ZNF644: variants seen among roughly 807,000 people sequenced by gnomAD.
The protein encoded by ZNF644 is zinc finger protein 644, also known as zinc finger motif enhancer binding protein 2.
Under a neutral mutation model 108.0 loss-of-function variants are expected in ZNF644, and 20 were observed. The observed-to-expected ratio is 0.19, with a 90% CI of 0.13 to 0.27. The LOEUF (loss-of-function observed/expected upper bound fraction) is 0.27, where lower values mean the gene tolerates loss of function less well. Ranked by LOEUF, ZNF644 falls within the 10% of genes least tolerant of loss-of-function variation. The pLI, the probability that ZNF644 is intolerant of heterozygous loss-of-function variation, is 1.00. For synonymous variants in ZNF644, 542 were observed against 539.1 expected, an observed-to-expected ratio of 1.01 and a Z score of -0.08; for missense variants, 1,338 against 1,548.9, an observed-to-expected ratio of 0.86 and a Z score of 2.29.
At chr1:90,998,198 G>A (rs1351238638) in intron 1 of ZNF644, among the ~76,000 whole-genome samples, 5 of 152,204 alleles carry the variant, frequency 3.3e-5, no homozygotes, top group Non-Finnish European at 7.3e-5. Flanking sequence ...GAAGCGAGTA[G>A]TGGTTCTCCC....
chr1:90,976,084 T>C (rs1425931356), intron 2 of ZNF644, among the ~76,000 whole-genome samples: 6 of 152,234 alleles, frequency 3.9e-5, no homozygotes, highest in Non-Finnish European at 7.3e-5. Flanking sequence ...TCTGGCAATA[T>C]GGACATCCAG....
chr1:90,997,808 T>C (rs1215704028), intron 1 of ZNF644, among the ~76,000 whole-genome samples: 3 of 152,174 alleles, frequency 2.0e-5, no homozygotes, highest in Non-Finnish European at 4.4e-5. Context: ...AAAGGGAAGC[T>C]GTGACAGACG....
chr1:90,999,559 T>A (rs974688041), intron 1 of ZNF644, among the ~76,000 whole-genome samples: 6 of 152,124 alleles, frequency 3.9e-5, no homozygotes, highest in Admixed American at 1.3e-4. Flanking sequence ...GAAAGGAACA[T>A]CCGGTACCAG....
chr1:90,999,848 C>T (rs1254000906), intron 1 of ZNF644, among the ~76,000 whole-genome samples: 1 of 152,010 alleles, frequency 6.6e-6, no homozygotes, highest in African/African-American at 2.4e-5. Context: ...AGAAGATCTA[C>T]CAAGCAAATG....
chr1:90,923,682 A>T (rs1649717879), intron 4 of ZNF644, among the ~76,000 whole-genome samples: 1 of 152,158 alleles, frequency 6.6e-6, no homozygotes, highest in Non-Finnish European at 1.5e-5. Flanking sequence ...TGAAAAAAAG[A>T]TAAGTAACTC....
chr1:90,955,923 CCTCA>C (rs1653709640), intron 2 of ZNF644, among the ~76,000 whole-genome samples: 2 of 152,336 alleles, frequency 1.3e-5, no homozygotes, highest in South Asian at 4.1e-4. Context: ...ATAATGCCTT[CCTCA>C]CTAAGCTTAA....
chr1:91,009,320 T>G (rs559920007), intron 1 of ZNF644, among the ~76,000 whole-genome samples: 2 of 151,800 alleles, frequency 1.3e-5, no homozygotes, highest in South Asian at 4.1e-4. Flanking sequence ...ATTTCCTAAC[T>G]CTTAAAAAAA....
intron 4 of ZNF644, 125 bp from the exon 5 acceptor site, chr1:90,918,279 C>G (rs550411845): frequency 1.3e-6 from 1 of 769,930 alleles, no homozygotes; most frequent in South Asian, 1.5e-5. Flanking sequence ...ATTCATTTCC[C>G]TATTCCCTGA....
chr1:91,009,974 C>T (rs1238396998), intron 1 of ZNF644, among the ~76,000 whole-genome samples: 2 of 152,086 alleles, frequency 1.3e-5, no homozygotes, highest in Non-Finnish European at 2.9e-5. Context: ...ATATACCCTT[C>T]CCACTCACAA....
chr1:90,918,269 ATTCAT>A, intron 4 of ZNF644, 115 bp from the exon 5 acceptor site: 1 of 830,040 alleles, frequency 1.2e-6, no homozygotes, highest in Admixed American at 2.0e-5. Context: ...AAAAGTCCGC[ATTCAT>A]TTCCCTATTC....
chr1:91,016,875 G>A (rs1419122181), intron 1 of ZNF644, among the ~76,000 whole-genome samples: 1 of 152,182 alleles, frequency 6.6e-6, no homozygotes, highest in Non-Finnish European at 1.5e-5. Flanking sequence ...CTGTCACCCA[G>A]GCTAGAGTGC....
chr1:90,937,725 A>C lies in ZNF644; in HGVS notation c.3448T>G (p.Leu1150Val). 1 of 1,613,916 alleles carries C rather than the reference A, an allele frequency of 6.2e-7. No individual in the cohort carries two copies. ...GGTTTTGTTTCATCATATTCATTTAAGAAATTCAGCCCTTCTTCTTCTGAT... is the reference window on the plus strand; with the variant it reads ...GGTTTTGTTTCATCATATTCATTTACGAAATTCAGCCCTTCTTCTTCTGAT... ...SASEEEGLNFLNEYDETKPEL... is the reference protein window; with the variant it reads ...SASEEEGLNFVNEYDETKPEL... Residue 1150 changes from leucine (L) to valine (V), a missense_variant, in exon 4 of 6, where the codon TTA becomes GTA. Physicochemically the swap from Leu to Val is conservative, Grantham distance 32. Around this residue, in one of 6 missense-constraint regions of ZNF644, gnomAD observed 287 missense variants for 310.9 expected, o/e 0.92. Coordinates refer to ENST00000337393, the MANE Select transcript of ZNF644 (RefSeq NM_201269.3).
chr1:91,014,429 CAA>C (rs912921485), intron 1 of ZNF644, among the ~76,000 whole-genome samples: 1 of 151,982 alleles, frequency 6.6e-6, no homozygotes, highest in African/African-American at 2.4e-5. Flanking sequence ...TAAGGCATTT[CAA>C]AGTGTTCAAA....
intron 2 of ZNF644, among the ~76,000 whole-genome samples, chr1:90,969,628 C>T (rs1268858874): frequency 1.3e-5 from 2 of 152,178 alleles, no homozygotes; most frequent in Non-Finnish European, 2.9e-5. Context: ...GCTGTAAATG[C>T]TCCCTATCTA....
At position 90,968,742 on chromosome 1, in the gene ZNF644, G is replaced by A. The variant is rs138848140; in HGVS notation, c.44+13568C>T. 5.8e-3 allele frequency among the ~76,000 whole-genome samples: 876 copies of A among 152,140 alleles called. 7 individuals are homozygous for A. Among genetic ancestry groups the A allele is most frequent in the African/African-American group, 0.02 (818 of 41,496 alleles). ...GAAGGTATACTGTAACTCCCTTTCA[G>A]ATTTATGATTCTTTTCCTGAATACT... On this transcript the variant is annotated intron_variant, in intron 2 of 5. Coordinates refer to ENST00000337393, the MANE Select transcript of ZNF644 (RefSeq NM_201269.3).
At chr1:90,937,129 G>C (rs963770992) in intron 4 of ZNF644, among the ~76,000 whole-genome samples, 1 of 152,118 alleles carries the variant, frequency 6.6e-6, no homozygotes, top group Non-Finnish European at 1.5e-5. Flanking sequence ...ATAATGCTAT[G>C]CTTTTGAACA....
At chr1:90,946,206 C>A (rs1184287918) in intron 2 of ZNF644, among the ~76,000 whole-genome samples, 2 of 151,648 alleles carry the variant, frequency 1.3e-5, no homozygotes, top group African/African-American at 4.8e-5. Flanking sequence ...ACATATATAC[C>A]TAAATCTCAC....
intron 1 of ZNF644, chr1:91,021,714 C>G (rs1339364775): frequency 4.4e-6 from 1 of 229,828 alleles, no homozygotes; most frequent in Non-Finnish European, 8.4e-6. Context: ...CCCCAGCGAC[C>G]GCCGCGGCCG....
Position 90,916,155 on chromosome 1 carries a change from A to G in ZNF644, c.*643T>C, listed in dbSNP as rs1648740453. The G allele has an allele frequency of 6.6e-6, 1 of 152,646 alleles. No homozygotes were observed. The highest frequency in any genetic ancestry group is 1.5e-5 in the Non-Finnish European group (1 of 68,034). The allele number at this position is 152,646 out of a possible 1,614,324, so 9.5% of individuals were successfully genotyped here. A position where few individuals can be genotyped will look rare whatever the true frequency, so the allele number is the denominator to read the frequency against. Reference sequence around the variant, plus strand: ...TATTTCCTTACCACAAATAATTTCCAGAACTATGTACATATTTCTTTTAGA... The same window carrying G: ...TATTTCCTTACCACAAATAATTTCCGGAACTATGTACATATTTCTTTTAGA... On this transcript the variant is annotated 3_prime_UTR_variant, in exon 6 of 6. Coordinates refer to ENST00000337393, the MANE Select transcript of ZNF644 (RefSeq NM_201269.3).
Sources: allele counts gnomAD v4.1 joint callset (sites outside exome capture counted in the v4.1 genomes callset), GRCh38; gene constraint gnomAD v4.1.1; regional missense constraint gnomAD v4.1.1; transcripts MANE v1.5; gene names NCBI Gene and HGNC (gene_info 2026-07-23, HGNC 2026-07-21).